The following ZEB1 variants were observed in gnomAD, a reference collection of about 807,000 sequenced individuals.
ZEB1 encodes zinc finger E-box-binding homeobox 1.
Under a neutral mutation model 84.9 loss-of-function variants are expected in ZEB1, and 21 were observed. That is an observed-to-expected ratio of 0.25 (90% confidence interval 0.18 to 0.36). The LOEUF (loss-of-function observed/expected upper bound fraction) is 0.36, where lower values mean the gene tolerates loss of function less well. Ranked by LOEUF, ZEB1 falls within the 10% of genes least tolerant of loss-of-function variation. The probability of loss-of-function intolerance (pLI) is 1.00; values close to 1 mark genes in which losing one functional copy is unlikely to be tolerated. For missense variants in ZEB1, 1,104 were observed against 1,330.2 expected (o/e 0.83, Z 2.65); for synonymous variants, 420 against 471.1 (o/e 0.89, Z 1.41).
intron 1 of ZEB1, among the ~76,000 whole-genome samples, chr10:31,459,818 C>T (rs1016350396): frequency 3.0e-5 from 4 of 132,766 alleles, no homozygotes; most frequent in Admixed American, 7.8e-5. Context: ...TTTCTTCCTT[C>T]GTGTTCTCAG....
In ZEB1 at chr10:31,452,743, G is replaced by GAA. The variant is rs1554878907; in HGVS notation, c.59-8293_59-8292insAA. ...TGTGTGTGTGTGTGTGTGTGTGTGT[G>GAA]AGAGAGAGAGAGAGAGAGAGAGAGA... is the stretch of plus-strand genomic sequence containing the variant. On this transcript the variant is annotated intron_variant, in intron 1 of 8. Coordinates refer to ENST00000424869, the MANE Select transcript of ZEB1 (RefSeq NM_001174096.2). 1.1e-4 allele frequency among the ~76,000 whole-genome samples: 5 copies of GAA among 44,054 alleles called. No homozygotes were observed. The Admixed American group carries it at 1.5e-3, about 13-fold the overall frequency. 28.9% of individuals were successfully genotyped at this position (44,054 alleles called of 152,430 possible).
intron 1 of ZEB1, among the ~76,000 whole-genome samples, chr10:31,374,346 CATT>C (rs1018120944): frequency 2.0e-5 from 3 of 151,760 alleles, no homozygotes; most frequent in Admixed American, 6.6e-5. Context: ...CAGCATCTGT[CATT>C]ATGTAATCAT....
chr10:31,524,202 C>A, intron 8 of ZEB1, 89 bp downstream of exon 8: 116 of 1,042,128 alleles, frequency 1.1e-4, no homozygotes, highest in Non-Finnish European at 1.5e-4. Flanking sequence ...AATTTTCTTT[C>A]TTTTTTTTTT....
At chr10:31,361,909 C>A (rs1255721730) in intron 1 of ZEB1, among the ~76,000 whole-genome samples, 3 of 148,224 alleles carry the variant, frequency 2.0e-5, no homozygotes. Context: ...CTCCTCATTT[C>A]CCAGACGGTG....
chr10:31,516,815 G>T (rs2071246643), intron 6 of ZEB1, among the ~76,000 whole-genome samples: 1 of 151,876 alleles, frequency 6.6e-6, no homozygotes, highest in African/African-American at 2.4e-5. Context: ...CTCCAGGGTG[G>T]CCACGTAGAT....
chr10:31,399,087 G>A (rs142781), intron 1 of ZEB1, among the ~76,000 whole-genome samples: 3 of 150,722 alleles, frequency 2.0e-5, no homozygotes, highest in Non-Finnish European at 4.4e-5. Flanking sequence ...CTCCTCCTCC[G>A]GGGTTCAAGC....
rs1267628019 is a variant in ZEB1, at chr10:31,461,255, T to C, written c.259+18T>C. On this transcript the variant is annotated intron_variant, in intron 2 of 8. Coordinates refer to ENST00000424869, the MANE Select transcript of ZEB1 (RefSeq NM_001174096.2). ...GGATGACAGTAAGTCTGATTTTTTTTTGTAATATTGTATTCTCATGATTCG... is the reference window on the plus strand; with the variant it reads ...GGATGACAGTAAGTCTGATTTTTTTCTGTAATATTGTATTCTCATGATTCG... 1 of 1,593,446 alleles carries C rather than the reference T, an allele frequency of 6.3e-7. No individual in the cohort carries two copies. Among genetic ancestry groups the C allele is most frequent in the Non-Finnish European group, 8.6e-7 (1 of 1,167,766 alleles).
At chr10:31,375,300 A>G (rs974431443) in intron 1 of ZEB1, among the ~76,000 whole-genome samples, 2 of 151,770 alleles carry the variant, frequency 1.3e-5, no homozygotes, top group Non-Finnish European at 3.0e-5. Flanking sequence ...TAGGAGAAAG[A>G]TGTCCTTCCC....
intron 5 of ZEB1, among the ~76,000 whole-genome samples, chr10:31,511,519 G>C (rs1407169748): frequency 6.6e-6 from 1 of 151,956 alleles, no homozygotes; most frequent in Non-Finnish European, 1.5e-5. Context: ...CTATATTTAG[G>C]ATTAAAGTCA....
At chr10:31,377,296 T>C (rs769210170) in intron 1 of ZEB1, among the ~76,000 whole-genome samples, 1 of 151,630 alleles carries the variant, frequency 6.6e-6, no homozygotes, top group Non-Finnish European at 1.5e-5. Context: ...ACTTAGGCTC[T>C]AGGGAGACAA....
intron 1 of ZEB1, among the ~76,000 whole-genome samples, chr10:31,333,669 G>A (rs1316360219): frequency 6.6e-6 from 1 of 151,732 alleles, no homozygotes; most frequent in Non-Finnish European, 1.5e-5. Flanking sequence ...GAAAAGAGAA[G>A]ACAAGTAGCA....
chr10:31,520,194 A>G lies in ZEB1; in HGVS notation c.862A>G (p.Ile288Val), dbSNP rs769431660. The G allele has an allele frequency of 1.2e-6, 2 of 1,614,000 alleles. No individual in the cohort carries two copies. The highest frequency in any genetic ancestry group is 1.7e-6 in the Non-Finnish European group (2 of 1,179,900). ...FSHSGSYSSH[I>V]SSKKCISLIP... ...CCATTCTGGCTCCTATAGCTCACACATAAGCAGTAAGAAATGTATCAGCTT... is the reference window on the plus strand; with the variant it reads ...CCATTCTGGCTCCTATAGCTCACACGTAAGCAGTAAGAAATGTATCAGCTT... The change falls in exon 7 of 9, where the codon ATA (isoleucine) becomes GTA (valine). Residue 288 changes from isoleucine to valine, a missense_variant. This residue lies in a region of ZEB1 where 111 missense variants were observed against 161.8 expected (regional missense o/e 0.69). Transcript: ENST00000424869. This position sits in a 1 kb window ranked among gnomAD's most constrained non-coding sequence, Gnocchi z 5.1.
At chr10:31,445,039 A>G (rs2059579722) in intron 1 of ZEB1, among the ~76,000 whole-genome samples, 1 of 149,472 alleles carries the variant, frequency 6.7e-6, no homozygotes, top group Admixed American at 6.6e-5. Flanking sequence ...GATTCTTCCT[A>G]TCCATGAGCA....
At chr10:31,467,761 G>T (rs998572565) in intron 2 of ZEB1, among the ~76,000 whole-genome samples, 5 of 152,072 alleles carry the variant, frequency 3.3e-5, no homozygotes, top group African/African-American at 1.2e-4. Flanking sequence ...AGGGAAGAGT[G>T]TGGTGTGGGT....
chr10:31,412,988 T>A (rs2054579523), intron 1 of ZEB1, among the ~76,000 whole-genome samples: 1 of 152,144 alleles, frequency 6.6e-6, no homozygotes, highest in South Asian at 2.1e-4. Flanking sequence ...ACTCATATAT[T>A]TAGGAATTTT....
intron 1 of ZEB1, among the ~76,000 whole-genome samples, chr10:31,396,076 G>GT (rs2050668211): frequency 6.6e-6 from 1 of 152,190 alleles, no homozygotes; most frequent in African/African-American, 2.4e-5. Context: ...TTTCACTGAG[G>GT]TTTTTTGTTG....
intron 7 of ZEB1, 47 bp from the exon 8 acceptor site, chr10:31,523,886 T>C (rs2072881013): frequency 1.3e-6 from 2 of 1,592,912 alleles, no homozygotes; most frequent in Non-Finnish European, 1.7e-6. Flanking sequence ...ATCTCTTGTT[T>C]ATCTTTTAAT....
intron 3 of ZEB1, among the ~76,000 whole-genome samples, chr10:31,498,014 C>T (rs1371588129): frequency 2.0e-5 from 3 of 151,850 alleles, no homozygotes; most frequent in Middle Eastern, 3.2e-3. Context: ...TTTGCTCTCT[C>T]AAATACATGT....
intron 1 of ZEB1, among the ~76,000 whole-genome samples, chr10:31,355,485 T>C (rs2041971785): frequency 6.6e-6 from 1 of 152,150 alleles, no homozygotes; most frequent in Non-Finnish European, 1.5e-5. Context: ...CAAATAATTA[T>C]AACTAAGATG....
Sources: allele counts gnomAD v4.1 joint callset (sites outside exome capture counted in the v4.1 genomes callset), GRCh38; gene constraint gnomAD v4.1.1; regional missense constraint gnomAD v4.1.1; non-coding constraint Gnocchi (gnomAD v3.1); transcripts MANE v1.5; gene names NCBI Gene and HGNC (gene_info 2026-07-23, HGNC 2026-07-21).